DTNB: variants seen among roughly 807,000 people sequenced by gnomAD.
The protein encoded by DTNB is dystrobrevin beta.
A neutral mutation model predicts 90.7 loss-of-function variants in DTNB; 63 were observed. The observed-to-expected ratio is 0.69, with a 90% CI of 0.57 to 0.86. The LOEUF (loss-of-function observed/expected upper bound fraction) is 0.86. Among genes scored for constraint, DTNB ranks in the 40% least tolerant of loss-of-function variants. The probability of loss-of-function intolerance (pLI) is 0.00; values close to 1 mark genes in which losing one functional copy is unlikely to be tolerated. For missense variants in DTNB, 744 were observed against 807.1 expected (o/e 0.92, Z 0.95); for synonymous variants, 277 against 286.7 (o/e 0.97, Z 0.34).
intron 2 of DTNB, among the ~76,000 whole-genome samples, chr2:25,648,990 TACC>T (rs1212713425): frequency 4.3e-5 from 6 of 140,428 alleles, no homozygotes; most frequent in Non-Finnish European, 7.6e-5. Context: ...CTATCCTTCC[TACC>T]TTTTTTTTTT....
Position 25,561,714 on chromosome 2 carries a change from G to C in DTNB, c.876+15124C>G, listed in dbSNP as rs144526823. Among the ~76,000 whole-genome samples, 492 of 152,206 alleles carry C rather than the reference G, an allele frequency of 3.2e-3. 4 individuals are homozygous for C. Among genetic ancestry groups the C allele is most frequent in the African/African-American group, 0.011 (470 of 41,532 alleles). On this transcript the variant is annotated intron_variant, in intron 8 of 20. Transcript: ENST00000406818. The stretch of plus-strand genomic sequence containing the variant: ...CTCTCCCCCTCTTGCCCCTGCTCTC[G>C]TCCTGTGATCTGCCTGCTTCTGCTA...
At chr2:25,586,618 G>A (rs1209781514) in intron 6 of DTNB, among the ~76,000 whole-genome samples, 1 of 151,936 alleles carries the variant, frequency 6.6e-6, no homozygotes, top group Non-Finnish European at 1.5e-5. Flanking sequence ...CTGAAGGAGA[G>A]CAAGGTCCCT....
In DTNB at chr2:25,583,280, T is replaced by C. The variant is rs867536573; in HGVS notation, c.604-2454A>G. 8.8e-3 allele frequency among the ~76,000 whole-genome samples: 1,282 copies of C among 145,804 alleles called. 8 individuals are homozygous for C. The highest frequency in any genetic ancestry group is 0.023 in the African/African-American group (888 of 39,218). On this transcript the variant is annotated intron_variant, in intron 6 of 20. Transcript: ENST00000406818. ...AAAAAAAAATATATATATATATATATACACACACATACACATGTATATAAA... is the reference window on the plus strand; with the variant it reads ...AAAAAAAAATATATATATATATATACACACACACATACACATGTATATAAA...
At chr2:25,507,530 T>G (rs1013635934) in intron 9 of DTNB, among the ~76,000 whole-genome samples, 1 of 152,154 alleles carries the variant, frequency 6.6e-6, no homozygotes, top group Admixed American at 6.5e-5. Context: ...TCTCCAGTAT[T>G]TGTCAGCAAA....
At chr2:25,512,580 G>C (rs964132994) in intron 9 of DTNB, among the ~76,000 whole-genome samples, 2 of 152,214 alleles carry the variant, frequency 1.3e-5, no homozygotes, top group African/African-American at 4.8e-5. Context: ...TTTATTGGAT[G>C]ATCAAATGAC....
intron 3 of DTNB, among the ~76,000 whole-genome samples, chr2:25,633,955 G>A (rs1406605281): frequency 1.3e-5 from 2 of 151,808 alleles, no homozygotes; most frequent in Admixed American, 1.3e-4. Context: ...CGTCTGAGAA[G>A]TGAGGAGCCC....
At chr2:25,575,778 A>AAAC (rs2060562536) in intron 8 of DTNB, among the ~76,000 whole-genome samples, 1 of 152,198 alleles carries the variant, frequency 6.6e-6, no homozygotes, top group Non-Finnish European at 1.5e-5. Context: ...ATGTTTTTCT[A>AAAC]CTGTTTAGCA....
intron 8 of DTNB, among the ~76,000 whole-genome samples, chr2:25,545,115 C>T (rs940736833): frequency 1.3e-5 from 2 of 152,142 alleles, no homozygotes; most frequent in Non-Finnish European, 2.9e-5. Flanking sequence ...CATCTAATTC[C>T]CATACCCTAA....
At chr2:25,565,295 G>C (rs2058854788) in intron 8 of DTNB, among the ~76,000 whole-genome samples, 3 of 152,148 alleles carry the variant, frequency 2.0e-5, no homozygotes, top group African/African-American at 7.2e-5. Context: ...GAGTGCCAGT[G>C]ATGCAATCAT....
At chr2:25,658,162 CAGG>C (rs2082430691) in intron 1 of DTNB, among the ~76,000 whole-genome samples, 1 of 150,466 alleles carries the variant, frequency 6.6e-6, no homozygotes, top group Admixed American at 6.7e-5. Context: ...GAGGCTGAGG[CAGG>C]AGAATTGGTT....
At chr2:25,621,527 A>G (rs1377708836) in intron 4 of DTNB, among the ~76,000 whole-genome samples, 1 of 150,344 alleles carries the variant, frequency 6.7e-6, no homozygotes, top group Non-Finnish European at 1.5e-5. Flanking sequence ...GCTCACCGCA[A>G]CTTCCGCCTC....
chr2:25,401,523 A>G (rs1364873894), intron 16 of DTNB, among the ~76,000 whole-genome samples: 1 of 152,212 alleles, frequency 6.6e-6, no homozygotes, highest in Non-Finnish European at 1.5e-5. Context: ...TTAGTAGGAA[A>G]ATGATACTGC....
chr2:25,526,386 T>G (rs1305862882), intron 9 of DTNB, among the ~76,000 whole-genome samples: 1 of 56,080 alleles, frequency 1.8e-5, no homozygotes, highest in South Asian at 6.1e-4. Context: ...TATATATATA[T>G]ATATATATAT....
chr2:25,421,668 G>A (rs1400331220), intron 15 of DTNB, among the ~76,000 whole-genome samples: 1 of 152,198 alleles, frequency 6.6e-6, no homozygotes, highest in Non-Finnish European at 1.5e-5. Context: ...GGCTGAAATT[G>A]TATCCGAGGT....
At chr2:25,564,123 G>C in intron 8 of DTNB, among the ~76,000 whole-genome samples, 1 of 151,962 alleles carries the variant, frequency 6.6e-6, no homozygotes, top group Non-Finnish European at 1.5e-5. Context: ...GGATGGTCTC[G>C]ATCTCCTGAC....
intron 10 of DTNB, among the ~76,000 whole-genome samples, chr2:25,461,777 C>T (rs913327891): frequency 6.6e-6 from 1 of 152,162 alleles, no homozygotes; most frequent in Admixed American, 6.6e-5. Context: ...CACCAATAAA[C>T]GTAAACTTGC....
intron 9 of DTNB, among the ~76,000 whole-genome samples, chr2:25,526,395 ATTT>A (rs1245672956): frequency 0.042 from 2,076 of 49,696 alleles, 56 homozygotes; most frequent in Middle Eastern, 0.12. Flanking sequence ...ATATATATAT[ATTT>A]TTTTTTTTTT....
At chr2:25,513,641 TGAAC>T (rs1410495808) in intron 9 of DTNB, among the ~76,000 whole-genome samples, 1 of 151,790 alleles carries the variant, frequency 6.6e-6, no homozygotes, top group Non-Finnish European at 1.5e-5. Context: ...GAGAACTGCT[TGAAC>T]CCAGGAGGTG....
At chr2:25,513,212 T>C (rs1013859376) in intron 9 of DTNB, among the ~76,000 whole-genome samples, 7 of 152,226 alleles carry the variant, frequency 4.6e-5, no homozygotes, top group African/African-American at 1.7e-4. Flanking sequence ...AGAAATTCCA[T>C]TCAAATGAAA....
Sources: gnomAD v4.1 joint callset for allele counts (sites outside exome capture counted in the v4.1 genomes callset) on GRCh38, gnomAD v4.1.1 for gene constraint, MANE v1.5 for transcripts, NCBI Gene and HGNC (gene_info 2026-07-23, HGNC 2026-07-21) for gene names.